Variants in PPFIA3 observed in about 807,000 individuals in gnomAD.
PPFIA3 encodes the protein PPFI scaffold protein A3.
Under a neutral mutation model 145.8 loss-of-function variants are expected in PPFIA3, and 26 were observed. The observed-to-expected ratio is 0.18, with a 90% CI of 0.13 to 0.25. The LOEUF is 0.25. Among genes scored for constraint, PPFIA3 ranks in the 10% least tolerant of loss-of-function variants. PPFIA3 has a pLI of 1.00. For synonymous variants in PPFIA3, 645 were observed against 661.4 expected (o/e 0.98, Z 0.38); for missense variants, 1,008 against 1,587.8 (o/e 0.63, Z 6.21).
intron 1 of PPFIA3, among the ~76,000 whole-genome samples, chr19:49,124,697 C>T (rs1273165076): frequency 1.3e-5 from 2 of 152,094 alleles, no homozygotes; most frequent in African/African-American, 2.4e-5. Context: ...ATTTCCTTCT[C>T]GGTCAATTTA....
intron 23 of PPFIA3, 24 bp from the exon 24 acceptor site, chr19:49,148,059 T>C: frequency 1.2e-6 from 2 of 1,600,782 alleles, no homozygotes; most frequent in South Asian, 2.3e-5. Flanking sequence ...GCCTGACTCT[T>C]CCCTCACCTG....
intron 21 of PPFIA3, among the ~76,000 whole-genome samples, chr19:49,145,210 C>T (rs1483368417): frequency 6.6e-6 from 1 of 151,960 alleles, no homozygotes; most frequent in East Asian, 1.9e-4. Context: ...AGACCACTCT[C>T]AGCCTAATTT....
At position 49,149,522 on chromosome 19, in the gene PPFIA3, C is replaced by T. The variant is rs765607120; in HGVS notation, c.3355-25C>T. On this transcript the variant is annotated intron_variant, in intron 27 of 29. Coordinates refer to ENST00000334186, the MANE Select transcript of PPFIA3 (RefSeq NM_003660.4). This position sits in a 1 kb window ranked among gnomAD's most constrained non-coding sequence, Gnocchi z 5.7. ...AGTCAGACAAGGCAGGAGTCCCTCA[C>T]CGGCTGTCCGGCTCCTATACCTAGG... 109 of 1,613,596 alleles carry T rather than the reference C, an allele frequency of 6.8e-5. 2 individuals carry two copies. The Admixed American group carries it at 1.8e-3, about 27-fold the overall frequency.
At position 49,149,973 on chromosome 19, in the gene PPFIA3, C is replaced by A; in HGVS notation, c.3527-107C>A. ...GGAAGGGAGGGAAACCCATGTGGAG[C>A]CCGGCGATCGTTGTGACATCGGGAA... On this transcript the variant is annotated intron_variant, in intron 28 of 29. Coordinates refer to ENST00000334186, the MANE Select transcript of PPFIA3 (RefSeq NM_003660.4). This position sits in a 1 kb window ranked among gnomAD's most constrained non-coding sequence, Gnocchi z 5.7. 7.4e-7 allele frequency: 1 copy of A among 1,351,818 alleles called. No homozygotes were observed. The highest frequency in any genetic ancestry group is 1.0e-6 in the Non-Finnish European group (1 of 982,030). The allele number at this position is 1,351,818 out of a possible 1,614,324, so 83.7% of individuals were successfully genotyped here. A position where few individuals can be genotyped will look rare whatever the true frequency, so the allele number is the denominator to read the frequency against.
At chr19:49,126,987 T>A (rs1255071227) in intron 1 of PPFIA3, among the ~76,000 whole-genome samples, 1 of 150,488 alleles carries the variant, frequency 6.6e-6, no homozygotes, top group East Asian at 1.9e-4. Context: ...GCCAGGACTG[T>A]TTTCCTAAGA....
rs1444126824 is a variant in PPFIA3 at position 49,136,861 on chromosome 19, G to A, written c.1803G>A (p.Thr601=). 2.5e-6 allele frequency: 4 copies of A among 1,581,856 alleles called. No homozygotes were observed. Among genetic ancestry groups the A allele is most frequent in the African/African-American group, 2.7e-5 (2 of 74,406 alleles). ...LSPSGQADVQ[T]LAIMLQEQLE... Reference sequence around the variant, plus strand: ...CCAGTGGGCAGGCTGACGTGCAGACGCTGGCCATCATGCTTCAGGAGCAGC... The same window carrying A: ...CCAGTGGGCAGGCTGACGTGCAGACACTGGCCATCATGCTTCAGGAGCAGC... Residue 601 remains threonine (T), a synonymous_variant, in exon 15 of 30, where the codon ACG becomes ACA. Coordinates refer to ENST00000334186, the MANE Select transcript of PPFIA3 (RefSeq NM_003660.4).
intron 11 of PPFIA3, 70 bp downstream of exon 11, chr19:49,134,235 C>CA: frequency 6.5e-7 from 1 of 1,534,246 alleles, no homozygotes; most frequent in Non-Finnish European, 8.7e-7. Context: ...CCTGGGGCCC[C>CA]AGGCCTTTCC....
intron 15 of PPFIA3, chr19:49,137,226 C>T (rs752463257): frequency 3.9e-6 from 1 of 255,756 alleles, no homozygotes; most frequent in Non-Finnish European, 7.4e-6. Context: ...TGTGGTTTCA[C>T]ATAACCAGTG....
Position 49,139,958 on chromosome 19 carries a change from CA to C in PPFIA3, c.2241-2del. 1 of 1,614,148 alleles carries C rather than the reference CA, an allele frequency of 6.2e-7. No individual in the cohort carries two copies. The highest frequency in any genetic ancestry group is 8.5e-7 in the Non-Finnish European group (1 of 1,180,034). On this transcript the variant is annotated splice_acceptor_variant, in intron 17 of 29. Coordinates refer to ENST00000334186, the MANE Select transcript of PPFIA3 (RefSeq NM_003660.4). LOFTEE classifies it high-confidence loss of function. ...ATGCTCTCATTCTCTCCTGCTTTCC[CA>C]GTGAGGGCACCCCAGATTCTCTGCA...
Position 49,133,897 on chromosome 19 carries a change from T to A in PPFIA3, c.1245+18T>A. ...TGCAGCGGGTGAGGGGGCGGAAGACTGCACAGAGGGTGGGGCTTCGAGGCT... is the reference window on the plus strand; with the variant it reads ...TGCAGCGGGTGAGGGGGCGGAAGACAGCACAGAGGGTGGGGCTTCGAGGCT... On this transcript the variant is annotated intron_variant, in intron 10 of 29. Coordinates refer to ENST00000334186, the MANE Select transcript of PPFIA3 (RefSeq NM_003660.4). This position sits in a 1 kb window ranked among gnomAD's most constrained non-coding sequence, Gnocchi z 7.2. 1 of 1,608,670 alleles carries A rather than the reference T, an allele frequency of 6.2e-7. No individual in the cohort carries two copies. Among genetic ancestry groups the A allele is most frequent in the South Asian group, 1.1e-5 (1 of 90,856 alleles).
intron 15 of PPFIA3, among the ~76,000 whole-genome samples, chr19:49,137,397 C>T (rs185237871): frequency 1.3e-5 from 2 of 152,026 alleles, no homozygotes; most frequent in African/African-American, 4.8e-5. Flanking sequence ...CTGAGGCCAG[C>T]GGATCATGAG....
chr19:49,119,849 C>A (rs1364454482), intron 1 of PPFIA3, 127 bp downstream of exon 1: 1 of 152,078 alleles, frequency 6.6e-6, no homozygotes, highest in Non-Finnish European at 1.5e-5. Context: ...AGATTTCACA[C>A]CCCAACCCCG....
At chr19:49,145,562 AG>A in intron 21 of PPFIA3, 1 of 267,092 alleles carries the variant, frequency 3.7e-6, no homozygotes, top group Admixed American at 4.9e-5. Flanking sequence ...GGTTGTTGGG[AG>A]CAGAAGCTCA....
At chr19:49,125,674 C>T (rs1445653606) in intron 1 of PPFIA3, among the ~76,000 whole-genome samples, 1 of 152,138 alleles carries the variant, frequency 6.6e-6, no homozygotes, top group African/African-American at 2.4e-5. Flanking sequence ...AGCCTGAAGC[C>T]TGGGACTTCT....
At chr19:49,124,245 G>A (rs1236859430) in intron 1 of PPFIA3, among the ~76,000 whole-genome samples, 1 of 151,840 alleles carries the variant, frequency 6.6e-6, no homozygotes, top group East Asian at 1.9e-4. Flanking sequence ...TTTTTGTAGA[G>A]ACAGGGTTTC....
intron 21 of PPFIA3, among the ~76,000 whole-genome samples, chr19:49,144,291 G>C (rs994747022): frequency 2.6e-5 from 4 of 152,166 alleles, no homozygotes; most frequent in African/African-American, 7.2e-5. Flanking sequence ...TTACAGGCGT[G>C]AGCCACCGTG....
chr19:49,141,761 TTA>T (rs1491433558), intron 19 of PPFIA3, among the ~76,000 whole-genome samples: 41 of 152,060 alleles, frequency 2.7e-4, no homozygotes, highest in African/African-American at 9.9e-4. Flanking sequence ...CTTTCTTTTT[TTA>T]AAAATTTTTT....
At chr19:49,135,375 AT>A (rs2041126041) in intron 13 of PPFIA3, among the ~76,000 whole-genome samples, 1 of 143,136 alleles carries the variant, frequency 7.0e-6, no homozygotes, top group Non-Finnish European at 1.5e-5. Flanking sequence ...TTATTTATTT[AT>A]TTTTTCTTTC....
intron 19 of PPFIA3, 43 bp from the exon 20 acceptor site, chr19:49,141,991 T>G: frequency 6.6e-7 from 1 of 1,504,460 alleles, no homozygotes; most frequent in Non-Finnish European, 9.0e-7. Context: ...GCAGGGGGTC[T>G]CCATCCCTGA....
Sources: allele counts gnomAD v4.1 joint callset (sites outside exome capture counted in the v4.1 genomes callset), GRCh38; gene constraint gnomAD v4.1.1; non-coding constraint Gnocchi (gnomAD v3.1); transcripts MANE v1.5; gene names NCBI Gene and HGNC (gene_info 2026-07-23, HGNC 2026-07-21).